SCG5: variants seen among roughly 807,000 people sequenced by gnomAD.
SCG5 encodes secretogranin V.
Under a neutral mutation model 25.7 loss-of-function variants are expected in SCG5, and 18 were observed. That is an observed-to-expected ratio of 0.70 (90% CI 0.48 to 1.04). The LOEUF (loss-of-function observed/expected upper bound fraction) is 1.04, where lower values mean the gene tolerates loss of function less well. SCG5 is among the 50% of genes least tolerant of loss of function. The pLI, the probability that SCG5 is intolerant of heterozygous loss-of-function variation, is 0.00. For missense variants in SCG5, 206 were observed against 259.8 expected, an observed-to-expected ratio of 0.79 and a Z score of 1.42; for synonymous variants, 101 against 91.7, an observed-to-expected ratio of 1.10 and a Z score of -0.58.
intron 2 of SCG5, among the ~76,000 whole-genome samples, chr15:32,660,416 G>A (rs1335239929): frequency 2.0e-5 from 3 of 152,136 alleles, no homozygotes; most frequent in Non-Finnish European, 2.9e-5. Flanking sequence ...TCCCTCATTC[G>A]GTTTGGACAT....
At chr15:32,660,046 C>T (rs1165846529) in intron 2 of SCG5, among the ~76,000 whole-genome samples, 1 of 152,182 alleles carries the variant, frequency 6.6e-6, no homozygotes, top group Non-Finnish European at 1.5e-5. Flanking sequence ...GTTATTCTGA[C>T]AGTAAATGAT....
chr15:32,676,104 C>A (rs924790401), intron 2 of SCG5, among the ~76,000 whole-genome samples: 12 of 152,086 alleles, frequency 7.9e-5, no homozygotes, highest in Non-Finnish European at 1.8e-4. Flanking sequence ...ATTTTCTATA[C>A]CTGTTTAATT....
intron 2 of SCG5, among the ~76,000 whole-genome samples, chr15:32,678,607 G>A (rs1039958626): frequency 3.9e-5 from 6 of 152,128 alleles, no homozygotes; most frequent in Non-Finnish European, 7.4e-5. Flanking sequence ...TTGGTACCTC[G>A]TTTTTGGAAA....
intron 2 of SCG5, 26 bp from the exon 3 acceptor site, chr15:32,679,740 A>G: frequency 1.4e-5 from 22 of 1,613,350 alleles, no homozygotes; most frequent in East Asian, 4.5e-5. Flanking sequence ...TTGCACTGCA[A>G]TGAACTACTT....
chr15:32,655,858 A>C (rs1006894049), intron 2 of SCG5, among the ~76,000 whole-genome samples: 4 of 152,152 alleles, frequency 2.6e-5, no homozygotes, highest in Non-Finnish European at 5.9e-5. Flanking sequence ...GTGAGCAATA[A>C]ATTTCAGCTG....
intron 3 of SCG5, among the ~76,000 whole-genome samples, chr15:32,682,613 G>C (rs982816481): frequency 1.2e-4 from 19 of 152,326 alleles, no homozygotes; most frequent in Admixed American, 1.2e-3. Context: ...TCTTGTCACA[G>C]GTTGTCTGCC....
intron 2 of SCG5, among the ~76,000 whole-genome samples, chr15:32,651,346 GAGGCAGATCCT>G (rs759427516): frequency 7.3e-4 from 111 of 152,212 alleles, no homozygotes; most frequent in Non-Finnish European, 8.8e-4. Flanking sequence ...GCTACTTGAA[GAGGCAGATCCT>G]AGGAGCCTCT....
chr15:32,650,304 T>C (rs939511077), intron 2 of SCG5, among the ~76,000 whole-genome samples: 3 of 152,168 alleles, frequency 2.0e-5, no homozygotes, highest in South Asian at 2.1e-4. Flanking sequence ...GGTTTCACCA[T>C]GTTAGCCAGG....
intron 4 of SCG5, among the ~76,000 whole-genome samples, chr15:32,689,769 A>G (rs1188839744): frequency 1.3e-5 from 2 of 152,116 alleles, no homozygotes; most frequent in Non-Finnish European, 2.9e-5. Context: ...TATCCTGCTA[A>G]TCCTAACCCT....
At chr15:32,651,456 CG>C (rs2140506955) in intron 2 of SCG5, among the ~76,000 whole-genome samples, 1 of 152,282 alleles carries the variant, frequency 6.6e-6, no homozygotes, top group African/African-American at 2.4e-5. Context: ...TTGAGGATGG[CG>C]GGGTGAAGCA....
chr15:32,680,963 C>G (rs1418267935), intron 3 of SCG5, among the ~76,000 whole-genome samples: 1 of 152,184 alleles, frequency 6.6e-6, no homozygotes, highest in African/African-American at 2.4e-5. Context: ...TAATTAACCA[C>G]TTCGTACCTC....
chr15:32,665,400 T>C (rs2054302496), intron 2 of SCG5, among the ~76,000 whole-genome samples: 1 of 152,154 alleles, frequency 6.6e-6, no homozygotes, highest in African/African-American at 2.4e-5. Context: ...GTCTCGTTTC[T>C]GACACTTTCT....
intron 2 of SCG5, among the ~76,000 whole-genome samples, chr15:32,679,231 G>T (rs189620031): frequency 6.7e-6 from 1 of 148,516 alleles, no homozygotes; most frequent in East Asian, 2.0e-4. Flanking sequence ...GTTTTGCTCT[G>T]TCGCTCAGGC....
intron 2 of SCG5, among the ~76,000 whole-genome samples, chr15:32,676,353 T>G (rs917003924): frequency 3.3e-5 from 5 of 152,202 alleles, no homozygotes; most frequent in African/African-American, 1.2e-4. Flanking sequence ...AGGCCTTCCA[T>G]AAGAGAAACT....
chr15:32,677,247 G>A (rs1034700598), intron 2 of SCG5, among the ~76,000 whole-genome samples: 35 of 152,158 alleles, frequency 2.3e-4, no homozygotes, highest in African/African-American at 7.7e-4. Context: ...CAAAACAAGC[G>A]AACAACCACT....
intron 5 of SCG5, among the ~76,000 whole-genome samples, chr15:32,693,121 C>G (rs2054890219): frequency 6.6e-6 from 1 of 152,132 alleles, no homozygotes; most frequent in Non-Finnish European, 1.5e-5. Context: ...TTGAATATCT[C>G]CCTACAACAC....
chr15:32,649,498 G>A (rs2053999652), intron 2 of SCG5, among the ~76,000 whole-genome samples: 1 of 152,174 alleles, frequency 6.6e-6, no homozygotes, highest in Non-Finnish European at 1.5e-5. Context: ...GGAGCTAGAA[G>A]GACTTTTTGC....
chr15:32,673,228 A>G (rs551063447), intron 2 of SCG5: 2 of 152,370 alleles, frequency 1.3e-5, no homozygotes, highest in South Asian at 4.1e-4. Flanking sequence ...TAAAAGGACT[A>G]CAACGGCAGT....
At chr15:32,692,800 G>C (rs1021429026) in intron 5 of SCG5, among the ~76,000 whole-genome samples, 1 of 152,186 alleles carries the variant, frequency 6.6e-6, no homozygotes, top group Admixed American at 6.5e-5. Flanking sequence ...GCTTCAAGAG[G>C]TGTGGATTTT....
Sources: gnomAD v4.1 joint callset for allele counts (sites outside exome capture counted in the v4.1 genomes callset) on GRCh38, gnomAD v4.1.1 for gene constraint, MANE v1.5 for transcripts, NCBI Gene and HGNC (gene_info 2026-07-23, HGNC 2026-07-21) for gene names.